Variants in ADAMTS12 observed in about 807,000 individuals in gnomAD.
ADAMTS12 encodes ADAM metallopeptidase with thrombospondin type 1 motif 12.
A neutral mutation model predicts 167.8 loss-of-function variants in ADAMTS12; 118 were observed. The ratio of observed to expected loss-of-function variants is 0.70; its 90% confidence interval spans 0.61 to 0.82. The LOEUF (loss-of-function observed/expected upper bound fraction) is 0.82. Among genes scored for constraint, ADAMTS12 ranks in the 40% least tolerant of loss-of-function variants. The pLI, the probability that ADAMTS12 is intolerant of heterozygous loss-of-function variation, is 0.00. For missense variants in ADAMTS12, 1,916 were observed against 1,998.8 expected, an observed-to-expected ratio of 0.96 and a Z score of 0.79; for synonymous variants, 704 against 716.9, an observed-to-expected ratio of 0.98 and a Z score of 0.29.
rs867797379 is a variant in ADAMTS12 at position 33,791,949 on chromosome 5, A to C, written c.490-40401T>G. ...TAGGTCCTGGTGGTAATTATCTGTG[A>C]CATCTTTACATTTATACCTAGTCTT... On this transcript the variant is annotated intron_variant, in intron 2 of 23. Coordinates refer to ENST00000504830, the MANE Select transcript of ADAMTS12 (RefSeq NM_030955.4). Among the ~76,000 whole-genome samples, 2 of 149,926 alleles carry C rather than the reference A, an allele frequency of 1.3e-5. 1 individual carries two copies. Among genetic ancestry groups the C allele is most frequent in the Middle Eastern group, 7.0e-3 (2 of 284 alleles).
intron 2 of ADAMTS12, among the ~76,000 whole-genome samples, chr5:33,810,890 T>C (rs16891765): frequency 0.027 from 4,130 of 152,316 alleles, 194 homozygotes; most frequent in African/African-American, 0.095. Context: ...TCTTGCTTCA[T>C]ATCTAAATTA....
At chr5:33,842,824 A>C (rs562395860) in intron 2 of ADAMTS12, among the ~76,000 whole-genome samples, 1 of 152,254 alleles carries the variant, frequency 6.6e-6, no homozygotes, top group Non-Finnish European at 1.5e-5. Flanking sequence ...ACACACATTC[A>C]GAAAGCTAAG....
intron 3 of ADAMTS12, among the ~76,000 whole-genome samples, chr5:33,714,676 T>C (rs1158337132): frequency 6.6e-6 from 1 of 152,106 alleles, no homozygotes; most frequent in Non-Finnish European, 1.5e-5. Context: ...GAGGTCATTA[T>C]GTTAAGTGAA....
chr5:33,638,929 G>C (rs942831590), intron 11 of ADAMTS12, among the ~76,000 whole-genome samples: 5 of 152,186 alleles, frequency 3.3e-5, no homozygotes, highest in South Asian at 2.1e-4. Flanking sequence ...CCTTTGAGAA[G>C]GTTCCCAGGC....
chr5:33,751,834 T>C (rs1158119169), intron 2 of ADAMTS12, among the ~76,000 whole-genome samples: 1 of 152,342 alleles, frequency 6.6e-6, no homozygotes. Context: ...TTCTTTAGGT[T>C]CACAGATTCC....
At chr5:33,676,164 A>G (rs944666012) in intron 5 of ADAMTS12, among the ~76,000 whole-genome samples, 4 of 152,204 alleles carry the variant, frequency 2.6e-5, no homozygotes, top group African/African-American at 9.6e-5. Flanking sequence ...CTGACCTAGA[A>G]GAAATCATAG....
At chr5:33,587,394 T>C (rs1375320793) in intron 18 of ADAMTS12, among the ~76,000 whole-genome samples, 1 of 152,192 alleles carries the variant, frequency 6.6e-6, no homozygotes, top group African/African-American at 2.4e-5. Context: ...TCAGATATTC[T>C]CCATTTTCTC....
intron 3 of ADAMTS12, among the ~76,000 whole-genome samples, chr5:33,720,702 A>G (rs4866378): frequency 0.61 from 92,418 of 151,656 alleles, 29,450 homozygotes; most frequent in Non-Finnish European, 0.71. Flanking sequence ...ATCAAGGGAG[A>G]CAAAATTGAA....
chr5:33,657,539 C>A (rs1272320855), intron 7 of ADAMTS12, among the ~76,000 whole-genome samples: 1 of 152,230 alleles, frequency 6.6e-6, no homozygotes, highest in Non-Finnish European at 1.5e-5. Context: ...ATTATATCTT[C>A]ACTCAAGCAT....
intron 3 of ADAMTS12, among the ~76,000 whole-genome samples, chr5:33,742,710 G>A (rs1744638487): frequency 2.0e-5 from 3 of 152,158 alleles, no homozygotes; most frequent in Admixed American, 2.0e-4. Context: ...TAAGATCCAA[G>A]TTCAACAGGA....
chr5:33,841,485 C>T (rs1189602521), intron 2 of ADAMTS12, among the ~76,000 whole-genome samples: 2 of 152,188 alleles, frequency 1.3e-5, no homozygotes, highest in Non-Finnish European at 2.9e-5. Flanking sequence ...TTGTTCTCCT[C>T]ATGCTCTGAC....
chr5:33,583,530 C>T (rs959459987), intron 18 of ADAMTS12, among the ~76,000 whole-genome samples: 5 of 152,274 alleles, frequency 3.3e-5, no homozygotes, highest in South Asian at 2.1e-4. Context: ...TGCTGGATCA[C>T]GTGATAGCTT....
chr5:33,610,205 C>A (rs112153509), intron 16 of ADAMTS12, among the ~76,000 whole-genome samples: 1,805 of 151,922 alleles, frequency 0.012, 41 homozygotes, highest in African/African-American at 0.041. Context: ...ACAACAGCAA[C>A]AACAAAAAAG....
intron 7 of ADAMTS12, among the ~76,000 whole-genome samples, chr5:33,657,811 T>C (rs1741112877): frequency 6.6e-6 from 1 of 152,160 alleles, no homozygotes; most frequent in Middle Eastern, 3.4e-3. Flanking sequence ...AAATGTTAGG[T>C]TTTATGGCTT....
At chr5:33,769,040 T>A (rs1475684049) in intron 2 of ADAMTS12, among the ~76,000 whole-genome samples, 1 of 151,696 alleles carries the variant, frequency 6.6e-6, no homozygotes, top group Non-Finnish European at 1.5e-5. Flanking sequence ...CCTGAGTTAA[T>A]CAAAAAGATT....
intron 7 of ADAMTS12, among the ~76,000 whole-genome samples, chr5:33,650,356 C>A (rs1740828397): frequency 6.6e-6 from 1 of 152,114 alleles, no homozygotes; most frequent in South Asian, 2.1e-4. Flanking sequence ...ACAATGAGAT[C>A]TGAATAGAAT....
intron 18 of ADAMTS12, among the ~76,000 whole-genome samples, chr5:33,588,182 TCA>T (rs2112007532): frequency 6.6e-6 from 1 of 152,360 alleles, no homozygotes; most frequent in African/African-American, 2.4e-5. Context: ...GGGATTTTTC[TCA>T]GTGTCAAGCG....
At chr5:33,610,254 T>C (rs996884109) in intron 16 of ADAMTS12, among the ~76,000 whole-genome samples, 1 of 152,152 alleles carries the variant, frequency 6.6e-6, no homozygotes, top group Admixed American at 6.5e-5. Context: ...TTAAATTGAC[T>C]TGATGAGGTG....
chr5:33,772,540 G>A (rs572548792), intron 2 of ADAMTS12, among the ~76,000 whole-genome samples: 1 of 152,260 alleles, frequency 6.6e-6, no homozygotes, highest in East Asian at 1.9e-4. Flanking sequence ...AATAATTCCA[G>A]AATTAAGAAA....
Sources: gnomAD v4.1 joint callset for allele counts (sites outside exome capture counted in the v4.1 genomes callset) on GRCh38, gnomAD v4.1.1 for gene constraint, MANE v1.5 for transcripts, NCBI Gene and HGNC (gene_info 2026-07-23, HGNC 2026-07-21) for gene names.